Variants in ZNF804B observed in about 807,000 individuals in gnomAD.
The protein encoded by ZNF804B is zinc finger protein 804B.
Under a neutral mutation model 101.4 loss-of-function variants are expected in ZNF804B, and 80 were observed. The ratio of observed to expected loss-of-function variants is 0.79; its 90% CI spans 0.66 to 0.95. ZNF804B has a LOEUF of 0.95. Among genes scored for constraint, ZNF804B ranks in the 40% least tolerant of loss-of-function variants. The probability of loss-of-function intolerance (pLI) is 0.00; values close to 1 mark genes in which losing one functional copy is unlikely to be tolerated. For synonymous variants in ZNF804B, 622 were observed against 558.8 expected, an observed-to-expected ratio of 1.11 and a Z score of -1.59; for missense variants, 1,673 against 1,561.9, an observed-to-expected ratio of 1.07 and a Z score of -1.20.
intron 1 of ZNF804B, among the ~76,000 whole-genome samples, chr7:89,112,794 A>G (rs1381591262): frequency 1.3e-5 from 2 of 152,222 alleles, no homozygotes; most frequent in Non-Finnish European, 2.9e-5. Context: ...GATTACTTCT[A>G]TACCTCAAAT....
At chr7:88,779,644 A>G (rs7798652) in intron 1 of ZNF804B, among the ~76,000 whole-genome samples, 1,632 of 152,162 alleles carry the variant, frequency 0.011, 28 homozygotes, top group African/African-American at 0.037. Flanking sequence ...TCGAACTTTA[A>G]CTTCACATTT....
chr7:89,262,277 G>A (rs1789722461), intron 2 of ZNF804B, among the ~76,000 whole-genome samples: 1 of 152,144 alleles, frequency 6.6e-6, no homozygotes, highest in South Asian at 2.1e-4. Context: ...CGTCAGTCAT[G>A]GGAGTTTCTC....
chr7:89,147,071 T>C (rs1040324363), intron 1 of ZNF804B, among the ~76,000 whole-genome samples: 3 of 133,966 alleles, frequency 2.2e-5, no homozygotes, highest in Non-Finnish European at 4.9e-5. Flanking sequence ...TATCAAAAAA[T>C]AGGATAATCA....
intron 2 of ZNF804B, among the ~76,000 whole-genome samples, chr7:89,313,570 C>T (rs1790676243): frequency 6.6e-6 from 1 of 152,134 alleles, no homozygotes; most frequent in Non-Finnish European, 1.5e-5. Flanking sequence ...TTTGATTCTT[C>T]ACTTATTTAT....
intron 1 of ZNF804B, among the ~76,000 whole-genome samples, chr7:89,164,491 C>T (rs1562902328): frequency 6.6e-6 from 1 of 152,020 alleles, no homozygotes; most frequent in Non-Finnish European, 1.5e-5. Context: ...ATGGTCAGCT[C>T]ACAGGGAGAA....
At chr7:89,016,419 A>G (rs113679447) in intron 1 of ZNF804B, among the ~76,000 whole-genome samples, 2,051 of 150,826 alleles carry the variant, frequency 0.014, 49 homozygotes, top group African/African-American at 0.047. Flanking sequence ...GCCCATGCCT[A>G]TGTCCTGAAT....
chr7:89,288,453 C>A (rs892875328), intron 2 of ZNF804B, among the ~76,000 whole-genome samples: 7 of 152,088 alleles, frequency 4.6e-5, no homozygotes, highest in Non-Finnish European at 7.4e-5. Flanking sequence ...AAAACTACAA[C>A]TAAGCACAAA....
rs73705513 is a variant in ZNF804B, at chr7:88,772,609, A to G, written c.108+12525A>G. ...GGAATACAACATGTGATCTGATTGT[A>G]TGACAAATTTGGGTACATGAAGTTC... is the stretch of plus-strand genomic sequence containing the variant. On this transcript the variant is annotated intron_variant, in intron 1 of 3. Transcript: ENST00000333190. Among the ~76,000 whole-genome samples, 1,313 of 152,312 alleles carry G rather than the reference A, an allele frequency of 8.6e-3. 17 individuals are homozygous for G. Among genetic ancestry groups the G allele is most frequent in the African/African-American group, 0.03 (1,247 of 41,560 alleles).
At chr7:89,310,739 T>C (rs1287442004) in intron 2 of ZNF804B, among the ~76,000 whole-genome samples, 6 of 152,186 alleles carry the variant, frequency 3.9e-5, no homozygotes, top group Admixed American at 2.6e-4. Flanking sequence ...TTGTACAAGA[T>C]ATTGAAATAC....
In ZNF804B at chr7:89,338,242, C is replaced by A. The variant is rs1032204483; in HGVS notation, c.*1210C>A. On this transcript the variant is annotated 3_prime_UTR_variant, in exon 4 of 4. Coordinates refer to ENST00000333190, the MANE Select transcript of ZNF804B (RefSeq NM_181646.5). ...AATCATTTATCTAATGCTGTCTATA[C>A]GAAGATGCAAACTCCTCTACCACTA... Among the ~76,000 whole-genome samples the A allele has an allele frequency of 6.6e-6, 1 of 151,982 alleles. No individual in the cohort carries two copies. The highest frequency in any genetic ancestry group is 2.1e-4 in the South Asian group (1 of 4,830).
rs756967541 is a variant in ZNF804B, at chr7:88,794,612, G to C, written c.108+34528G>C. On this transcript the variant is annotated intron_variant, in intron 1 of 3. Coordinates refer to ENST00000333190, the MANE Select transcript of ZNF804B (RefSeq NM_181646.5). ...TTGACATGGCCAATATAATCTAAAA[G>C]AACTTTGTAGAGAGTGTCGCTGGAG... 9.3e-6 allele frequency: 15 copies of C among 1,613,404 alleles called. No homozygotes were observed. The Admixed American group carries it at 2.2e-4, about 23-fold the overall frequency.
intron 1 of ZNF804B, among the ~76,000 whole-genome samples, chr7:88,905,471 C>T (rs865778605): frequency 6.6e-6 from 1 of 152,094 alleles, no homozygotes. Context: ...AATTCTCCTG[C>T]CTCAACCTCC....
At chr7:88,940,957 T>TA (rs1254765281) in intron 1 of ZNF804B, among the ~76,000 whole-genome samples, 9 of 151,512 alleles carry the variant, frequency 5.9e-5, no homozygotes, top group Non-Finnish European at 1.2e-4. Flanking sequence ...AAATTGGGTT[T>TA]AAAAAAATGA....
At chr7:89,269,656 T>C (rs952929572) in intron 2 of ZNF804B, among the ~76,000 whole-genome samples, 1 of 152,188 alleles carries the variant, frequency 6.6e-6, no homozygotes, top group African/African-American at 2.4e-5. Context: ...TCCACAATGG[T>C]TGAACTAGTT....
chr7:89,327,608 A>T lies in ZNF804B; in HGVS notation c.380+134A>T, dbSNP rs562702670. The T allele has an allele frequency of 1.8e-4, 208 of 1,158,422 alleles. 2 individuals are homozygous for T. In the South Asian group the frequency reaches 3.2e-3, roughly 18 times the overall value. The allele number at this position is 1,158,422 out of a possible 1,614,324, so 71.8% of individuals were successfully genotyped here. A position where few individuals can be genotyped will look rare whatever the true frequency, so the allele number is the denominator to read the frequency against. Reference sequence around the variant, plus strand: ...ATATGTCTGAAGGGCAAATATAGTTAAACATACATAAATTAATAACTTTTG... The same window carrying T: ...ATATGTCTGAAGGGCAAATATAGTTTAACATACATAAATTAATAACTTTTG... On this transcript the variant is annotated intron_variant, in intron 3 of 3. Transcript: ENST00000333190.
At chr7:89,280,442 A>G (rs1483256157) in intron 2 of ZNF804B, among the ~76,000 whole-genome samples, 1 of 151,996 alleles carries the variant, frequency 6.6e-6, no homozygotes, top group Non-Finnish European at 1.5e-5. Flanking sequence ...GACACAAAAA[A>G]CCCTTCAAAA....
At chr7:88,886,155 G>A (rs756743232) in intron 1 of ZNF804B, among the ~76,000 whole-genome samples, 2 of 152,068 alleles carry the variant, frequency 1.3e-5, no homozygotes, top group Non-Finnish European at 2.9e-5. Flanking sequence ...AAATAAAGGA[G>A]CAGTTGTACA....
At chr7:89,047,840 G>A (rs1002824985) in intron 1 of ZNF804B, among the ~76,000 whole-genome samples, 4 of 151,530 alleles carry the variant, frequency 2.6e-5, no homozygotes, top group Non-Finnish European at 4.4e-5. Flanking sequence ...TGGTCTCTTA[G>A]GCAAAAAAGG....
intron 1 of ZNF804B, among the ~76,000 whole-genome samples, chr7:89,216,132 C>T (rs1404546583): frequency 6.6e-6 from 1 of 151,944 alleles, no homozygotes; most frequent in South Asian, 2.1e-4. Flanking sequence ...GGTGAAACCC[C>T]GTCTCTACTA....
Sources: gnomAD v4.1 joint callset for allele counts (sites outside exome capture counted in the v4.1 genomes callset) on GRCh38, gnomAD v4.1.1 for gene constraint, MANE v1.5 for transcripts, NCBI Gene and HGNC (gene_info 2026-07-23, HGNC 2026-07-21) for gene names.